The following UBAP1L variants were observed in gnomAD, a reference collection of about 807,000 sequenced individuals.
UBAP1L encodes the protein ubiquitin-associated protein 1-like.
Under a neutral mutation model 32.1 loss-of-function variants are expected in UBAP1L, and 32 were observed. That is an observed-to-expected ratio of 1.00 (90% confidence interval 0.75 to 1.34). UBAP1L has a LOEUF of 1.34. UBAP1L is among the 40% of genes most tolerant of loss of function. The pLI is 0.00. For missense variants in UBAP1L, 516 were observed against 540.5 expected, an observed-to-expected ratio of 0.95 and a Z score of 0.45; for synonymous variants, 243 against 250.2, an observed-to-expected ratio of 0.97 and a Z score of 0.27.
rs768121441 is a variant in UBAP1L, at chr15:65,094,483, C to G, written c.1003G>C (p.Glu335Gln). ...CAGGAAGCCCTGCTGACCTGGCTCT[C>G]GGAGAACTGGAACATCTCCATGGCC... ...DEAMEMFQFS[E>Q]SQAGEFLRLW... The change falls in exon 5 of 6, where the codon GAG (glutamate) becomes CAG (glutamine). Residue 335 changes from glutamate (E) to glutamine (Q), a missense_variant. Glu to Gln is a conservative substitution (Grantham distance 29, BLOSUM62 2). Coordinates refer to ENST00000559089, the MANE Select transcript of UBAP1L (RefSeq NM_001163692.2). This position sits in a 1 kb window ranked among gnomAD's most constrained non-coding sequence, Gnocchi z 4.2. 3 of 1,550,072 alleles carry G rather than the reference C, an allele frequency of 1.9e-6. No individual in the cohort carries two copies. The highest frequency in any genetic ancestry group is 8.7e-7 in the Non-Finnish European group (1 of 1,146,200).
Position 65,094,354 on chromosome 15 carries a change from C to CAGACCCACAGGCT in UBAP1L, c.1011+108_1011+120dup, listed in dbSNP as rs1249435037. 5 of 670,368 alleles carry CAGACCCACAGGCT rather than the reference C, an allele frequency of 7.5e-6. No individual in the cohort carries two copies. The highest frequency in any genetic ancestry group is 1.0e-5 in the Non-Finnish European group (4 of 400,528). The allele number at this position is 670,368 out of a possible 1,614,324, so 41.5% of individuals were successfully genotyped here. A position where few individuals can be genotyped will look rare whatever the true frequency, so the allele number is the denominator to read the frequency against. On this transcript the variant is annotated intron_variant, in intron 5 of 5. Transcript: ENST00000559089. The surrounding 1 kb of genome is among the most constrained non-coding windows in gnomAD (Gnocchi z 4.2). The stretch of plus-strand genomic sequence containing the variant: ...GCTGAGGAGTCAGGCAATCTCCCGA[C>CAGACCCACAGGCT]AGACCCACAGGCTGGACCCACAGAC...
chr15:65,108,144 C>T (rs944894745), intron 1 of UBAP1L, among the ~76,000 whole-genome samples: 1 of 151,772 alleles, frequency 6.6e-6, no homozygotes, highest in African/African-American at 2.4e-5. Flanking sequence ...ACAAAGAGAC[C>T]AACAGGACAA....
At chr15:65,098,964 CCTCA>C (rs1294041666) in intron 4 of UBAP1L, 15 of 152,388 alleles carry the variant, frequency 9.8e-5, no homozygotes, top group Admixed American at 9.8e-4. Flanking sequence ...CTTTGGGGGC[CCTCA>C]CTCCTCTGCA....
At chr15:65,101,573 T>C (rs1404836449) in intron 3 of UBAP1L, 1 of 152,362 alleles carries the variant, frequency 6.6e-6, no homozygotes, top group Non-Finnish European at 1.5e-5. Flanking sequence ...CCTGTGGTTT[T>C]GACACTCCCA....
intron 2 of UBAP1L, among the ~76,000 whole-genome samples, chr15:65,103,035 A>C (rs1423077049): frequency 6.6e-6 from 1 of 152,264 alleles, no homozygotes; most frequent in Non-Finnish European, 1.5e-5. Flanking sequence ...ATTCTTAGCA[A>C]AGAAGCTTTC....
At chr15:65,113,990 GATT>G in intron 1 of UBAP1L, among the ~76,000 whole-genome samples, 1 of 152,098 alleles carries the variant, frequency 6.6e-6, no homozygotes, top group South Asian at 2.1e-4. Flanking sequence ...AGGTTCAATA[GATT>G]CTCCTGCCTC....
At chr15:65,109,830 T>C (rs572629902) in intron 1 of UBAP1L, among the ~76,000 whole-genome samples, 1 of 152,344 alleles carries the variant, frequency 6.6e-6, no homozygotes. Context: ...TATCAAGCGA[T>C]GATGAGGATG....
chr15:65,108,777 A>T lies in UBAP1L; in HGVS notation c.-173-2389T>A, dbSNP rs185176609. Among the ~76,000 whole-genome samples the T allele has an allele frequency of 6.2e-3, 940 of 151,166 alleles. 4 individuals are homozygous for T. The highest frequency in any genetic ancestry group is 0.021 in the African/African-American group (850 of 41,206). On this transcript the variant is annotated intron_variant, in intron 1 of 5. Transcript: ENST00000559089. ...CAAATAAATAAATAAATAAATAAAT[A>T]AATTAAATTTAAAAAAACACAACAA...
intron 4 of UBAP1L, chr15:65,097,923 G>A (rs946930585): frequency 1.3e-5 from 2 of 152,220 alleles, no homozygotes; most frequent in African/African-American, 4.8e-5. Flanking sequence ...AGTGATGATG[G>A]AGGTGTCCAA....
chr15:65,101,021 T>C (rs2087233635), intron 3 of UBAP1L: 1 of 152,268 alleles, frequency 6.6e-6, no homozygotes, highest in African/African-American at 2.4e-5. Context: ...GCCTCTTCTC[T>C]ACTATGTATG....
rs976090793 is a variant in UBAP1L at position 65,093,207 on chromosome 15, C to T, written c.1036G>A (p.Glu346Lys). ...SQAGEFLRLW[E>K]QFSDMGFQQD... Reference sequence around the variant, plus strand: ...TGGAAGCCCATGTCACTGAACTGCTCCCAGAGGCGCAGGAACTCCCCTGCC... The same window carrying T: ...TGGAAGCCCATGTCACTGAACTGCTTCCAGAGGCGCAGGAACTCCCCTGCC... The change falls in exon 6 of 6, where the codon GAG (glutamate) becomes AAG (lysine). Residue 346 changes from glutamate to lysine, a missense_variant. Glu to Lys is a moderately conservative substitution (Grantham distance 56). Coordinates refer to ENST00000559089, the MANE Select transcript of UBAP1L (RefSeq NM_001163692.2). 3 of 1,547,860 alleles carry T rather than the reference C, an allele frequency of 1.9e-6. No individual in the cohort carries two copies. In the African/African-American group the frequency reaches 4.1e-5, roughly 21 times the overall value.
chr15:65,092,831 A>G lies in UBAP1L; in HGVS notation c.*266T>C. ...AAGGTTACTAATGCACACAGTGTAA[A>G]GAGTCAAATCAGGTGGTTTCACAGG... On this transcript the variant is annotated 3_prime_UTR_variant, in exon 6 of 6. Coordinates refer to ENST00000559089, the MANE Select transcript of UBAP1L (RefSeq NM_001163692.2). The G allele has an allele frequency of 4.0e-6, 2 of 500,064 alleles. No homozygotes were observed. The highest frequency in any genetic ancestry group is 7.0e-6 in the Non-Finnish European group (2 of 285,470). The allele number at this position is 500,064 out of a possible 1,614,324, so 31.0% of individuals were successfully genotyped here. A position where few individuals can be genotyped will look rare whatever the true frequency, so the allele number is the denominator to read the frequency against.
In UBAP1L at chr15:65,093,702, G is replaced by A. The variant is rs376472753; in HGVS notation, c.1012-471C>T. ...TTCTCGAGGCCTCACCCAACCCTCCGTCCCCTTCAGCCTCTGTGAAGAGCT... is the reference window on the plus strand; with the variant it reads ...TTCTCGAGGCCTCACCCAACCCTCCATCCCCTTCAGCCTCTGTGAAGAGCT... On this transcript the variant is annotated intron_variant, in intron 5 of 5. Coordinates refer to ENST00000559089, the MANE Select transcript of UBAP1L (RefSeq NM_001163692.2). Among the ~76,000 whole-genome samples, 123 of 152,180 alleles carry A rather than the reference G, an allele frequency of 8.1e-4. 1 individual carries two copies. Among genetic ancestry groups the A allele is most frequent in the African/African-American group, 2.6e-3 (110 of 41,520 alleles).
In UBAP1L at chr15:65,102,826, A is replaced by C; in HGVS notation, c.121-142T>G. ...AGATTCTGAGCCCCGGGCTTCCATC[A>C]CAGCCCACTCTACCCTGGGTTTTAG... is the stretch of plus-strand genomic sequence containing the variant. On this transcript the variant is annotated intron_variant, in intron 2 of 5. Coordinates refer to ENST00000559089, the MANE Select transcript of UBAP1L (RefSeq NM_001163692.2). The surrounding 1 kb of genome is among the most constrained non-coding windows in gnomAD (Gnocchi z 5.0). 1.4e-6 allele frequency: 1 copy of C among 729,552 alleles called. No homozygotes were observed. The highest frequency in any genetic ancestry group is 2.1e-6 in the Non-Finnish European group (1 of 470,114). The allele number at this position is 729,552 out of a possible 1,614,324, so 45.2% of individuals were successfully genotyped here.
At chr15:65,093,589 C>G (rs2087141777) in intron 5 of UBAP1L, among the ~76,000 whole-genome samples, 2 of 152,222 alleles carry the variant, frequency 1.3e-5, no homozygotes, top group Non-Finnish European at 2.9e-5. Flanking sequence ...GTGCCCTGAA[C>G]ACTGTGGAGG....
intron 2 of UBAP1L, among the ~76,000 whole-genome samples, chr15:65,105,165 T>C (rs1029474957): frequency 1.9e-4 from 29 of 149,764 alleles, no homozygotes; most frequent in Non-Finnish European, 3.8e-4. Flanking sequence ...GGCGACAGAG[T>C]GAGGCCCTGT....
chr15:65,102,224 G>C lies in UBAP1L; in HGVS notation c.581C>G (p.Pro194Arg). ...LSLCPSPAQS[P>R]RSASPPGPAP... Reference sequence around the variant, plus strand: ...GGGCCCCGGGGGTGATGCAGACCTGGGGGACTGCGCAGGGCTCGGGCACAG... The same window carrying C: ...GGGCCCCGGGGGTGATGCAGACCTGCGGGACTGCGCAGGGCTCGGGCACAG... Residue 194 changes from proline (P) to arginine (R), a missense_variant, in exon 3 of 6, where the codon CCC becomes CGC. By Grantham distance (103) the Pro-to-Arg change is moderately radical. Coordinates refer to ENST00000559089, the MANE Select transcript of UBAP1L (RefSeq NM_001163692.2). The surrounding 1 kb of genome is among the most constrained non-coding windows in gnomAD (Gnocchi z 5.0). 8.1e-7 allele frequency: 1 copy of C among 1,236,576 alleles called. No homozygotes were observed. Among genetic ancestry groups the C allele is most frequent in the Non-Finnish European group, 1.0e-6 (1 of 989,096 alleles). The allele number at this position is 1,236,576 out of a possible 1,614,324, so 76.6% of individuals were successfully genotyped here. A position where few individuals can be genotyped will look rare whatever the true frequency, so the allele number is the denominator to read the frequency against.
chr15:65,110,866 A>G (rs1009071330), intron 1 of UBAP1L, among the ~76,000 whole-genome samples: 1 of 152,100 alleles, frequency 6.6e-6, no homozygotes, highest in African/African-American at 2.4e-5. Context: ...GCTCAACACA[A>G]TCTGTCATCC....
At chr15:65,098,562 G>A (rs1031069031) in intron 4 of UBAP1L, 1 of 152,222 alleles carries the variant, frequency 6.6e-6, no homozygotes, top group Non-Finnish European at 1.5e-5. Flanking sequence ...TGAGGTGGAA[G>A]TGACTATGTA....
Sources: allele counts gnomAD v4.1 joint callset (sites outside exome capture counted in the v4.1 genomes callset), GRCh38; gene constraint gnomAD v4.1.1; non-coding constraint Gnocchi (gnomAD v3.1); transcripts MANE v1.5; gene names NCBI Gene and HGNC (gene_info 2026-07-23, HGNC 2026-07-21).